The following RAD9B variants were observed in gnomAD, a reference collection of about 807,000 sequenced individuals.
RAD9B encodes RAD9 checkpoint clamp component B.
RAD9B carries 41 observed loss-of-function variants against 48.3 expected under a neutral mutation model. The observed-to-expected ratio is 0.85, with a 90% CI of 0.66 to 1.10. RAD9B has a LOEUF of 1.10. Ranked by LOEUF, RAD9B falls within the 50% of genes least tolerant of loss-of-function variation. The pLI, the probability that RAD9B is intolerant of heterozygous loss-of-function variation, is 0.00. For missense variants in RAD9B, 444 were observed against 485.1 expected (o/e 0.92, Z 0.80); for synonymous variants, 160 against 157.9 (o/e 1.01, Z -0.10).
chr12:110,520,013 A>G, intron 9 of RAD9B, 97 bp downstream of exon 9: 1 of 1,353,736 alleles, frequency 7.4e-7, no homozygotes, highest in Non-Finnish European at 1.0e-6. Flanking sequence ...ACAATTGAGG[A>G]GTGAAATATT....
chr12:110,516,046 G>C (rs748759155), intron 6 of RAD9B, among the ~76,000 whole-genome samples: 28 of 151,952 alleles, frequency 1.8e-4, no homozygotes, highest in Non-Finnish European at 3.4e-4. Context: ...TGGCAACATA[G>C]TGACACCTCA....
intron 10 of RAD9B, among the ~76,000 whole-genome samples, chr12:110,524,465 G>A (rs1423298332): frequency 2.6e-5 from 4 of 152,184 alleles, no homozygotes; most frequent in African/African-American, 9.7e-5. Context: ...AGGAGGCTGA[G>A]GCAGGAGAAT....
At chr12:110,517,582 C>T (rs1252733770) in intron 6 of RAD9B, among the ~76,000 whole-genome samples, 1 of 151,926 alleles carries the variant, frequency 6.6e-6, no homozygotes, top group Admixed American at 6.6e-5. Context: ...CGAGATCACA[C>T]CACTGGACTC....
At chr12:110,516,134 G>T (rs959193341) in intron 6 of RAD9B, among the ~76,000 whole-genome samples, 2 of 152,042 alleles carry the variant, frequency 1.3e-5, no homozygotes, top group African/African-American at 4.8e-5. Context: ...GGCTAAGGTG[G>T]AAGGATTGCT....
rs573865968 is a variant in RAD9B at position 110,528,249 on chromosome 12, A to G, written c.1126-2276A>G. Among the ~76,000 whole-genome samples the G allele has an allele frequency of 7.8e-4, 112 of 143,714 alleles. 1 individual carries two copies. In the South Asian group the frequency reaches 0.01, roughly 13 times the overall value. The allele number at this position is 143,714 out of a possible 152,430, so 94.3% of individuals were successfully genotyped here. ...TGGTGATTACTTAGATGAGAAGTGGAGAGAGGCGGCTGAAATAGTTCATTT... is the reference window on the plus strand; with the variant it reads ...TGGTGATTACTTAGATGAGAAGTGGGGAGAGGCGGCTGAAATAGTTCATTT... On this transcript the variant is annotated intron_variant, in intron 10 of 10. Coordinates refer to ENST00000409300, the MANE Select transcript of RAD9B (RefSeq NM_001286535.2).
At chr12:110,525,544 G>A (rs550617879) in intron 10 of RAD9B, among the ~76,000 whole-genome samples, 1 of 152,262 alleles carries the variant, frequency 6.6e-6, no homozygotes, top group African/African-American at 2.4e-5. Context: ...GAGTAATAAT[G>A]TTGGGTTCTC....
intron 9 of RAD9B, among the ~76,000 whole-genome samples, chr12:110,520,549 A>G (rs1593091736): frequency 7.3e-6 from 1 of 137,360 alleles, no homozygotes; most frequent in Non-Finnish European, 1.6e-5. Context: ...GGGGTAATAT[A>G]GTGTTTTCAC....
In RAD9B at chr12:110,503,829, C is replaced by G. The variant is rs2063175449; in HGVS notation, c.70C>G (p.Leu24Val). 6.2e-7 allele frequency: 1 copy of G among 1,606,250 alleles called. No homozygotes were observed. The highest frequency in any genetic ancestry group is 8.5e-7 in the Non-Finnish European group (1 of 1,176,720). ...AGTATTTGGGAAAGCAGTTCAAGCT[C>G]TATCACGAATTAGTGACGAGTTCTG... ...VKVFGKAVQA[L>V]SRISDEFWLD... Residue 24 changes from leucine (L) to valine (V), a missense_variant, in exon 2 of 11, where the codon CTA becomes GTA. Coordinates refer to ENST00000409300, the MANE Select transcript of RAD9B (RefSeq NM_001286535.2).
chr12:110,515,831 T>G (rs1356125015), intron 6 of RAD9B, among the ~76,000 whole-genome samples: 3 of 152,200 alleles, frequency 2.0e-5, no homozygotes, highest in Non-Finnish European at 4.4e-5. Context: ...ATGACTTTTG[T>G]AGTGTTTGTG....
intron 4 of RAD9B, among the ~76,000 whole-genome samples, chr12:110,508,782 T>G (rs1336465668): frequency 1.3e-5 from 2 of 151,894 alleles, no homozygotes; most frequent in Non-Finnish European, 2.9e-5. Flanking sequence ...GCAGCTTCTT[T>G]TCTTTTCTTT....
intron 10 of RAD9B, among the ~76,000 whole-genome samples, chr12:110,528,178 C>T (rs190422354): frequency 2.0e-5 from 3 of 152,216 alleles, no homozygotes; most frequent in East Asian, 1.9e-4. Context: ...ATATGAAAAA[C>T]GGGCTTCAGT....
At position 110,519,883 on chromosome 12, in the gene RAD9B, C is replaced by G; in HGVS notation, c.857C>G (p.Pro286Arg). Residue 286 changes from proline (P) to arginine (R), a missense_variant, in exon 9 of 11, where the codon CCA becomes CGA. Transcript: ENST00000409300. ...LADEQSRASS[P>R]QSLCLSQKRK... is the part of the protein sequence containing the mutation. ...GATGAACAAAGTAGAGCATCTTCAC[C>G]ACAGTCACTGTGTCTTTCACAGAAA... 1 of 1,612,682 alleles carries G rather than the reference C, an allele frequency of 6.2e-7. No homozygotes were observed. The highest frequency in any genetic ancestry group is 8.5e-7 in the Non-Finnish European group (1 of 1,179,438).
chr12:110,510,510 C>T (rs1593053855), intron 4 of RAD9B, among the ~76,000 whole-genome samples: 1 of 152,214 alleles, frequency 6.6e-6, no homozygotes, highest in Middle Eastern at 3.4e-3. Context: ...GCCCTAAGAA[C>T]CTTTCCACCA....
rs1187868852 is a variant in RAD9B at position 110,533,221 on chromosome 12, T to A, written c.*2568T>A. Reference sequence around the variant, plus strand: ...GGGCTGGTGTCTCATTTAGTTACTATTCAAACCAAAAGAAGCACACAGATT... The same window carrying A: ...GGGCTGGTGTCTCATTTAGTTACTAATCAAACCAAAAGAAGCACACAGATT... On this transcript the variant is annotated 3_prime_UTR_variant, in exon 11 of 11. Coordinates refer to ENST00000409300, the MANE Select transcript of RAD9B (RefSeq NM_001286535.2). 3 of 152,308 alleles carry A rather than the reference T, an allele frequency of 2.0e-5. No individual in the cohort carries two copies. Among genetic ancestry groups the A allele is most frequent in the African/African-American group, 7.2e-5 (3 of 41,566 alleles). 9.4% of individuals were successfully genotyped at this position (152,308 alleles called of 1,614,324 possible).
At chr12:110,526,412 T>G (rs1248809356) in intron 10 of RAD9B, among the ~76,000 whole-genome samples, 1 of 152,170 alleles carries the variant, frequency 6.6e-6, no homozygotes, top group African/African-American at 2.4e-5. Context: ...GCATTTACTC[T>G]AAGCCAGTAG....
intron 10 of RAD9B, among the ~76,000 whole-genome samples, chr12:110,522,715 A>G (rs1291690905): frequency 6.6e-6 from 1 of 152,224 alleles, no homozygotes; most frequent in East Asian, 1.9e-4. Flanking sequence ...TTTATGGTAT[A>G]TTCTATCTTG....
Position 110,531,250 on chromosome 12 carries a change from T to A in RAD9B, c.*597T>A. 1.5e-6 allele frequency: 1 copy of A among 671,670 alleles called. No homozygotes were observed. The highest frequency in any genetic ancestry group is 1.9e-6 in the Non-Finnish European group (1 of 516,926). The allele number at this position is 671,670 out of a possible 1,614,324, so 41.6% of individuals were successfully genotyped here. On this transcript the variant is annotated 3_prime_UTR_variant, in exon 11 of 11. Coordinates refer to ENST00000409300, the MANE Select transcript of RAD9B (RefSeq NM_001286535.2). ...CTTTGTCACTCAGGCTCAAGTGCAG[T>A]GGTGCAATCTCTGCTCACTGCAACA...
intron 9 of RAD9B, among the ~76,000 whole-genome samples, chr12:110,521,493 T>C (rs558144358): frequency 6.6e-6 from 1 of 151,912 alleles, no homozygotes; most frequent in South Asian, 2.1e-4. Flanking sequence ...TCATAGAGCA[T>C]ATGCGGTTTT....
In RAD9B at chr12:110,505,631, T is replaced by C. The variant is rs1426790118; in HGVS notation, c.132T>C (p.Cys44=). The change falls in exon 3 of 11, where the codon TGT becomes TGC. Residue 44 remains cysteine (C), a synonymous_variant. Transcript: ENST00000409300. ...TATTTTTCTAGCTTGCTCTAAGATG[T>C]GTGAATTCTTCTCGGTCAGCATATG... is the stretch of plus-strand genomic sequence containing the variant. The part of the protein sequence containing the change: ...DPSKKGLALR[C]VNSSRSAYGC... The C allele has an allele frequency of 3.2e-6, 5 of 1,557,394 alleles. No individual in the cohort carries two copies. Among genetic ancestry groups the C allele is most frequent in the Non-Finnish European group, 4.3e-6 (5 of 1,149,792 alleles).
Sources: allele counts gnomAD v4.1 joint callset (sites outside exome capture counted in the v4.1 genomes callset), GRCh38; gene constraint gnomAD v4.1.1; transcripts MANE v1.5; gene names NCBI Gene and HGNC (gene_info 2026-07-23, HGNC 2026-07-21).